The following CSMD2 variants were observed in gnomAD, a reference collection of about 807,000 sequenced individuals.
CSMD2 encodes CUB and sushi domain-containing protein 2.
A neutral mutation model predicts 398.5 loss-of-function variants in CSMD2; 130 were observed. The observed-to-expected ratio is 0.33, with a 90% CI of 0.28 to 0.38. The LOEUF (loss-of-function observed/expected upper bound fraction) is 0.38. CSMD2 is among the 10% of genes least tolerant of loss of function. The probability of loss-of-function intolerance (pLI) is 1.00; values close to 1 mark genes in which losing one functional copy is unlikely to be tolerated. For missense variants in CSMD2, 3,829 were observed against 4,764.9 expected, an observed-to-expected ratio of 0.80 and a Z score of 5.78; for synonymous variants, 1,828 against 1,908.5, an observed-to-expected ratio of 0.96 and a Z score of 1.10.
intron 5 of CSMD2, among the ~76,000 whole-genome samples, chr1:33,896,258 G>A (rs752341541): frequency 6.6e-6 from 1 of 152,080 alleles, no homozygotes; most frequent in Non-Finnish European, 1.5e-5. Flanking sequence ...GGAGTAGCGA[G>A]GGGGAGAGGA....
chr1:33,622,524 G>A (rs368456687), intron 36 of CSMD2, among the ~76,000 whole-genome samples: 16 of 152,196 alleles, frequency 1.1e-4, no homozygotes, highest in African/African-American at 3.9e-4. Context: ...CCGCAGGAGG[G>A]TGAGGGATGA....
At chr1:34,035,533 T>G (rs1442762839) in intron 2 of CSMD2, among the ~76,000 whole-genome samples, 1 of 152,152 alleles carries the variant, frequency 6.6e-6, no homozygotes, top group African/African-American at 2.4e-5. Flanking sequence ...TGTCTAAAGA[T>G]GCAAGGCTGG....
intron 3 of CSMD2, among the ~76,000 whole-genome samples, chr1:33,997,721 A>G (rs1646772068): frequency 6.6e-6 from 1 of 152,160 alleles, no homozygotes; most frequent in East Asian, 1.9e-4. Context: ...AAGAAAAGAG[A>G]GAAAGAGAGA....
intron 2 of CSMD2, among the ~76,000 whole-genome samples, chr1:34,039,807 G>C (rs1445339018): frequency 6.6e-6 from 1 of 152,148 alleles, no homozygotes; most frequent in East Asian, 1.9e-4. Flanking sequence ...TCTGATGTAT[G>C]GCCCTGGGTA....
rs769637552 is a variant in CSMD2, at chr1:34,032,713, G to A, written c.405-7C>T. On this transcript the variant is annotated splice_region_variant and splice_polypyrimidine_tract_variant and intron_variant, in intron 2 of 70. Transcript: ENST00000373381. ...CAGCTGAAAGCCTGTGAGCCTGAAA[G>A]ACAAAGAATTGGATTAGGGAGAATG... is the stretch of plus-strand genomic sequence containing the variant. 1 of 1,568,720 alleles carries A rather than the reference G, an allele frequency of 6.4e-7. No homozygotes were observed. Among genetic ancestry groups the A allele is most frequent in the Non-Finnish European group, 8.7e-7 (1 of 1,153,514 alleles).
intron 1 of CSMD2, among the ~76,000 whole-genome samples, chr1:34,138,070 C>T (rs958744318): frequency 2.0e-5 from 3 of 152,288 alleles, no homozygotes; most frequent in African/African-American, 4.8e-5. Context: ...CAAGAAAACA[C>T]AATCATGTGA....
chr1:33,710,120 T>A (rs1645934390), intron 21 of CSMD2, among the ~76,000 whole-genome samples: 1 of 152,194 alleles, frequency 6.6e-6, no homozygotes, highest in African/African-American at 2.4e-5. Context: ...GCACTGTGGA[T>A]CCTTTGGGGC....
chr1:33,909,722 A>G (rs1358269817), intron 5 of CSMD2, among the ~76,000 whole-genome samples: 1 of 152,188 alleles, frequency 6.6e-6, no homozygotes, highest in African/African-American at 2.4e-5. Flanking sequence ...ATGACCGCTC[A>G]TGGTCCTGCC....
intron 55 of CSMD2, 22 bp downstream of exon 55, chr1:33,557,712 T>C: frequency 6.5e-7 from 1 of 1,532,848 alleles, no homozygotes; most frequent in East Asian, 2.4e-5. Context: ...TCAGTCATTT[T>C]GAGCAGGTGA....
At chr1:33,898,044 T>C (rs1270991308) in intron 5 of CSMD2, among the ~76,000 whole-genome samples, 2 of 152,126 alleles carry the variant, frequency 1.3e-5, no homozygotes, top group Admixed American at 1.3e-4. Flanking sequence ...TGGAGTTAGA[T>C]TGAGAGAGGA....
intron 6 of CSMD2, among the ~76,000 whole-genome samples, chr1:33,829,548 C>T (rs905020127): frequency 7.2e-5 from 11 of 152,202 alleles, no homozygotes; most frequent in African/African-American, 1.7e-4. Context: ...CGAATAGGAA[C>T]AGCTCCAGTC....
chr1:34,025,854 A>C (rs11576084), intron 3 of CSMD2, among the ~76,000 whole-genome samples: 2,959 of 152,168 alleles, frequency 0.019, 46 homozygotes, highest in Non-Finnish European at 0.031. Flanking sequence ...TTCCCTCCAA[A>C]AGCCACCGTC....
At chr1:34,050,373 G>A (rs1348072398) in intron 2 of CSMD2, among the ~76,000 whole-genome samples, 1 of 152,226 alleles carries the variant, frequency 6.6e-6, no homozygotes, top group Non-Finnish European at 1.5e-5. Context: ...GACTTACATA[G>A]TGCCTAATCC....
intron 44 of CSMD2, chr1:33,600,600 G>A (rs1184088834): frequency 1.8e-6 from 1 of 551,836 alleles, no homozygotes; most frequent in Non-Finnish European, 3.2e-6. Flanking sequence ...TGAATGAGTG[G>A]ACTTGGCACC....
intron 3 of CSMD2, among the ~76,000 whole-genome samples, chr1:33,979,400 G>A (rs1316907303): frequency 6.6e-6 from 1 of 152,110 alleles, no homozygotes; most frequent in Non-Finnish European, 1.5e-5. Flanking sequence ...GAGGCATTTC[G>A]GCTACCATCC....
At chr1:33,829,674 C>T (rs1034548756) in intron 6 of CSMD2, among the ~76,000 whole-genome samples, 20 of 152,268 alleles carry the variant, frequency 1.3e-4, no homozygotes, top group Middle Eastern at 3.4e-3. Flanking sequence ...GTGGGTGCAG[C>T]GCACCGTGCA....
chr1:33,776,089 C>T (rs1423913815), intron 12 of CSMD2, among the ~76,000 whole-genome samples: 2 of 152,184 alleles, frequency 1.3e-5, no homozygotes, highest in Non-Finnish European at 2.9e-5. Context: ...TAGGTAGCAG[C>T]TCATGAGGCA....
chr1:33,988,479 T>C (rs989728907), intron 3 of CSMD2, among the ~76,000 whole-genome samples: 5 of 152,226 alleles, frequency 3.3e-5, no homozygotes, highest in Non-Finnish European at 5.9e-5. Flanking sequence ...TTCTTAGAAA[T>C]GTTGCCCTCT....
intron 12 of CSMD2, among the ~76,000 whole-genome samples, chr1:33,776,256 A>G (rs866856732): frequency 7.2e-5 from 11 of 152,158 alleles, no homozygotes; most frequent in Middle Eastern, 3.2e-3. Context: ...GCTCCAGAGA[A>G]GGAGAGAGGC....
Sources: allele counts gnomAD v4.1 joint callset (sites outside exome capture counted in the v4.1 genomes callset), GRCh38; gene constraint gnomAD v4.1.1; transcripts MANE v1.5; gene names NCBI Gene and HGNC (gene_info 2026-07-23, HGNC 2026-07-21).